BLTP3B: variants seen among roughly 807,000 people sequenced by gnomAD.
BLTP3B encodes UHRF1 (ICBP90) binding protein 1-like.
At chr12:100,142,671 T>A in the BLTP3B span, 1 of 1,598,174 alleles carries the variant, frequency 6.3e-7, no homozygotes, top group Non-Finnish European at 8.5e-7. Flanking sequence ...TCTCGTCCTG[T>A]TGCTCACTGC....
At chr12:100,137,445 C>CT in the BLTP3B span, among the ~76,000 whole-genome samples, 1 of 152,070 alleles carries the variant, frequency 6.6e-6, no homozygotes, top group African/African-American at 2.4e-5. Flanking sequence ...AATGAATATT[C>CT]TTTTTTTCTT....
chr12:100,140,729 A>AAAT, the BLTP3B span, among the ~76,000 whole-genome samples: 98 of 61,460 alleles, frequency 1.6e-3, 1 homozygote, highest in East Asian at 7.6e-3. Context: ...AAAAAAAAAA[A>AAAT]ATATATATAT....
chr12:100,045,936 CTCAAAAGACATTTAT>C, the BLTP3B span, among the ~76,000 whole-genome samples: 1 of 152,142 alleles, frequency 6.6e-6, no homozygotes, highest in Admixed American at 6.6e-5. Flanking sequence ...ACAGACACTT[CTCAAAAGACATTTAT>C]GCAGCCAACA....
the BLTP3B span, among the ~76,000 whole-genome samples, chr12:100,080,473 A>C: frequency 1.3e-5 from 2 of 151,990 alleles, no homozygotes; most frequent in African/African-American, 4.8e-5. Flanking sequence ...CATCAGCGTG[A>C]CATGTATGTG....
At chr12:100,043,509 G>A in the BLTP3B span, among the ~76,000 whole-genome samples, 2 of 152,182 alleles carry the variant, frequency 1.3e-5, no homozygotes, top group African/African-American at 4.8e-5. Context: ...AAGCTGATTA[G>A]TACTGTTATT....
the BLTP3B span, among the ~76,000 whole-genome samples, chr12:100,110,533 C>T: frequency 6.6e-6 from 1 of 152,074 alleles, no homozygotes; most frequent in Admixed American, 6.6e-5. Context: ...TATGCAGACA[C>T]ACATACTGGG....
At chr12:100,118,174 C>T in the BLTP3B span, among the ~76,000 whole-genome samples, 1 of 151,948 alleles carries the variant, frequency 6.6e-6, no homozygotes, top group Non-Finnish European at 1.5e-5. Context: ...AAACACGTGG[C>T]CAGGTCTCCT....
the BLTP3B span, among the ~76,000 whole-genome samples, chr12:100,111,441 C>A: frequency 2.8e-4 from 43 of 151,802 alleles, no homozygotes; most frequent in African/African-American, 1.0e-3. Flanking sequence ...CCACACCCAG[C>A]TAATTAGTTT....
At chr12:100,100,599 C>T in the BLTP3B span, among the ~76,000 whole-genome samples, 1 of 152,038 alleles carries the variant, frequency 6.6e-6, no homozygotes, top group African/African-American at 2.4e-5. Flanking sequence ...GTAGTCCCAA[C>T]TACTTGGGAG....
the BLTP3B span, among the ~76,000 whole-genome samples, chr12:100,045,875 T>A: frequency 3.3e-5 from 5 of 152,010 alleles, no homozygotes; most frequent in Non-Finnish European, 4.4e-5. Context: ...CTTAAACAAA[T>A]TTACAAGAAA....
At chr12:100,131,723 T>C in the BLTP3B span, among the ~76,000 whole-genome samples, 1,542 of 152,316 alleles carry the variant, frequency 0.01, 10 homozygotes, top group Non-Finnish European at 0.016. Flanking sequence ...CGATTTTCAC[T>C]TATGAAAATA....
the BLTP3B span, chr12:100,059,783 T>A: frequency 6.9e-7 from 1 of 1,453,074 alleles, no homozygotes; most frequent in East Asian, 2.3e-5. Flanking sequence ...GTAACATACA[T>A]ATACGCACAA....
chr12:100,120,471 G>T, the BLTP3B span, among the ~76,000 whole-genome samples: 1 of 152,156 alleles, frequency 6.6e-6, no homozygotes, highest in Admixed American at 6.5e-5. Context: ...CACTTGAAAA[G>T]ATGCCCAACA....
the BLTP3B span, among the ~76,000 whole-genome samples, chr12:100,109,034 T>A: frequency 6.6e-6 from 1 of 152,166 alleles, no homozygotes; most frequent in Non-Finnish European, 1.5e-5. Context: ...CACCTCTAAT[T>A]GTAATCCCCA....
the BLTP3B span, chr12:100,092,956 C>G: frequency 1.0e-6 from 1 of 985,344 alleles, no homozygotes; most frequent in South Asian, 4.7e-5. Flanking sequence ...GCTAACGGTA[C>G]TACCAACTGT....
At chr12:100,140,045 G>C in the BLTP3B span, among the ~76,000 whole-genome samples, 1 of 152,092 alleles carries the variant, frequency 6.6e-6, no homozygotes, top group Non-Finnish European at 1.5e-5. Context: ...CAGACCACTA[G>C]GTCAATGTAG....
At chr12:100,142,479 G>A in the BLTP3B span, 1 of 1,203,994 alleles carries the variant, frequency 8.3e-7, no homozygotes. Flanking sequence ...GGGGAAGTCC[G>A]AAGGTCGCCT....
At chr12:100,063,252 G>C in the BLTP3B span, among the ~76,000 whole-genome samples, 8,697 of 152,154 alleles carry the variant, frequency 0.057, 817 homozygotes, top group African/African-American at 0.2. Flanking sequence ...ATACTGTGCT[G>C]GTACTCACAG....
chr12:100,070,290 A>ATTTT, the BLTP3B span: 121 of 963,096 alleles, frequency 1.3e-4, no homozygotes, highest in South Asian at 2.2e-4. Flanking sequence ...TAATTAATTA[A>ATTTT]TTTTTTTTTT....
Sources: gnomAD v4.1 joint callset for allele counts (sites outside exome capture counted in the v4.1 genomes callset) on GRCh38, gnomAD v4.1.1 for gene constraint, MANE v1.5 for transcripts, NCBI Gene and HGNC (gene_info 2026-07-23, HGNC 2026-07-21) for gene names.